The following CSMD1 variants were observed in gnomAD, a reference collection of about 807,000 sequenced individuals.
CSMD1 encodes the protein CUB and Sushi multiple domains 1.
Under a neutral mutation model 417.5 loss-of-function variants are expected in CSMD1, and 213 were observed. The ratio of observed to expected loss-of-function variants is 0.51; its 90% CI spans 0.46 to 0.57. The LOEUF is 0.57. Ranked by LOEUF, CSMD1 falls within the 20% of genes least tolerant of loss-of-function variation. The pLI, the probability that CSMD1 is intolerant of heterozygous loss-of-function variation, is 0.00. For synonymous variants in CSMD1, 2,862 were observed against 1,736.8 expected (o/e 1.65, Z -16.11); for missense variants, 6,923 against 4,529.7 (o/e 1.53, Z -15.17).
At chr8:4,022,654 G>A (rs556698162) in intron 4 of CSMD1, among the ~76,000 whole-genome samples, 3 of 152,262 alleles carry the variant, frequency 2.0e-5, no homozygotes, top group Admixed American at 2.0e-4. Flanking sequence ...TGAGCGCTCA[G>A]GGAGAGAAAT....
intron 3 of CSMD1, among the ~76,000 whole-genome samples, chr8:4,409,341 C>G (rs956738804): frequency 3.9e-5 from 6 of 152,110 alleles, no homozygotes; most frequent in East Asian, 3.9e-4. Context: ...ATGTCATTCT[C>G]TCACATCTTC....
intron 4 of CSMD1, among the ~76,000 whole-genome samples, chr8:4,015,120 G>T (rs1796459047): frequency 6.6e-6 from 1 of 152,072 alleles, no homozygotes; most frequent in Non-Finnish European, 1.5e-5. Context: ...AAACCAAATT[G>T]TCTAAAACTA....
chr8:3,983,355 C>T (rs1235102263), intron 5 of CSMD1, among the ~76,000 whole-genome samples: 1 of 152,066 alleles, frequency 6.6e-6, no homozygotes, highest in Non-Finnish European at 1.5e-5. Flanking sequence ...TGGTCTCCAT[C>T]TCCTGACCTC....
chr8:3,133,103 G>T (rs1817883332), intron 41 of CSMD1, among the ~76,000 whole-genome samples: 1 of 152,170 alleles, frequency 6.6e-6, no homozygotes, highest in African/African-American at 2.4e-5. Context: ...CCTTCCCCAG[G>T]CCCCTGGATG....
intron 1 of CSMD1, among the ~76,000 whole-genome samples, chr8:4,930,514 G>C (rs573351644): frequency 1.1e-4 from 17 of 152,212 alleles, no homozygotes; most frequent in African/African-American, 4.1e-4. Flanking sequence ...CTACAGCCGA[G>C]CATACAGCTG....
At chr8:3,923,466 A>G (rs11786669) in intron 5 of CSMD1, among the ~76,000 whole-genome samples, 42,081 of 152,054 alleles carry the variant, frequency 0.28, 6,251 homozygotes, top group East Asian at 0.42. Flanking sequence ...CTGCATTGCC[A>G]TTTATGTGGG....
intron 10 of CSMD1, among the ~76,000 whole-genome samples, chr8:3,514,171 T>G (rs1251020660): frequency 1.3e-5 from 2 of 152,200 alleles, no homozygotes; most frequent in African/African-American, 4.8e-5. Flanking sequence ...TGTCATAGCT[T>G]GTTCCCCAAT....
intron 12 of CSMD1, among the ~76,000 whole-genome samples, chr8:3,454,464 C>A (rs1815971555): frequency 6.6e-6 from 1 of 152,164 alleles, no homozygotes; most frequent in Admixed American, 6.5e-5. Context: ...TTGTTCCTTT[C>A]CATGTTTTGT....
At chr8:4,134,642 T>C (rs1478098733) in intron 3 of CSMD1, among the ~76,000 whole-genome samples, 3 of 152,172 alleles carry the variant, frequency 2.0e-5, no homozygotes, top group Non-Finnish European at 4.4e-5. Flanking sequence ...GATTCTACCT[T>C]TAAAATATAT....
intron 3 of CSMD1, among the ~76,000 whole-genome samples, chr8:4,296,327 T>C (rs1797677708): frequency 6.6e-6 from 1 of 152,106 alleles, no homozygotes; most frequent in South Asian, 2.1e-4. Flanking sequence ...AATTCTATAG[T>C]TCAGGGATTA....
chr8:3,690,891 T>C lies in CSMD1; in HGVS notation c.1009+17523A>G, dbSNP rs185007044. On this transcript the variant is annotated intron_variant, in intron 7 of 69. Transcript: ENST00000635120. ...ACATTGATTTCATTTAATGTATAAATAAATTAAATAACAACAAATAAATTG... is the reference window on the plus strand; with the variant it reads ...ACATTGATTTCATTTAATGTATAAACAAATTAAATAACAACAAATAAATTG... Among the ~76,000 whole-genome samples, 338 of 152,300 alleles carry C rather than the reference T, an allele frequency of 2.2e-3. 1 individual carries two copies. The highest frequency in any genetic ancestry group is 7.7e-3 in the African/African-American group (320 of 41,564).
chr8:3,670,396 G>A (rs1417242290), intron 7 of CSMD1, among the ~76,000 whole-genome samples: 4 of 150,782 alleles, frequency 2.7e-5, no homozygotes, highest in African/African-American at 4.9e-5. Flanking sequence ...GCCTATTGTC[G>A]GACCTTGTGA....
At chr8:4,040,460 A>T (rs1022707477) in intron 3 of CSMD1, among the ~76,000 whole-genome samples, 5 of 152,204 alleles carry the variant, frequency 3.3e-5, no homozygotes, top group African/African-American at 1.2e-4. Flanking sequence ...GCATATGATG[A>T]TGGATTCAGA....
At chr8:4,114,045 G>A (rs1415648557) in intron 3 of CSMD1, among the ~76,000 whole-genome samples, 1 of 152,178 alleles carries the variant, frequency 6.6e-6, no homozygotes, top group East Asian at 1.9e-4. Flanking sequence ...GATGAAGACG[G>A]CTACAATAAA....
chr8:3,669,136 C>G (rs1037522404), intron 7 of CSMD1, among the ~76,000 whole-genome samples: 3 of 152,158 alleles, frequency 2.0e-5, no homozygotes, highest in Non-Finnish European at 4.4e-5. Flanking sequence ...CCCTCAAGGG[C>G]AGAATGGTTA....
At chr8:4,624,025 G>A (rs1397655370) in intron 2 of CSMD1, among the ~76,000 whole-genome samples, 1 of 151,988 alleles carries the variant, frequency 6.6e-6, no homozygotes, top group South Asian at 2.1e-4. Flanking sequence ...GTAACTAAAG[G>A]ACTCATTCAT....
intron 1 of CSMD1, among the ~76,000 whole-genome samples, chr8:4,695,966 G>A (rs947949928): frequency 1.3e-5 from 2 of 152,148 alleles, no homozygotes; most frequent in African/African-American, 4.8e-5. Context: ...TAGAGACTTG[G>A]GTTCCGGAGG....
chr8:4,959,348 C>T (rs1323353761), intron 1 of CSMD1, among the ~76,000 whole-genome samples: 1 of 152,140 alleles, frequency 6.6e-6, no homozygotes, highest in Admixed American at 6.5e-5. Context: ...CCTGGTGTTC[C>T]CCGCATGTCA....
At chr8:4,498,935 A>G (rs552625552) in intron 2 of CSMD1, among the ~76,000 whole-genome samples, 2 of 152,306 alleles carry the variant, frequency 1.3e-5, no homozygotes, top group South Asian at 4.1e-4. Context: ...TTACATACAC[A>G]TGGCCAGTGG....
Sources: gnomAD v4.1 joint callset for allele counts (sites outside exome capture counted in the v4.1 genomes callset) on GRCh38, gnomAD v4.1.1 for gene constraint, MANE v1.5 for transcripts, NCBI Gene and HGNC (gene_info 2026-07-23, HGNC 2026-07-21) for gene names.